RBFOX1: variants seen among roughly 807,000 people sequenced by gnomAD.
The protein encoded by RBFOX1 is RNA binding protein fox-1 homolog 1.
Under a neutral mutation model 57.7 loss-of-function variants are expected in RBFOX1, and 8 were observed. The ratio of observed to expected loss-of-function variants is 0.14; its 90% confidence interval spans 0.08 to 0.25. The LOEUF (loss-of-function observed/expected upper bound fraction) is 0.25. RBFOX1 is among the 10% of genes least tolerant of loss of function. The pLI is 1.00. For synonymous variants in RBFOX1, 326 were observed against 222.4 expected, an observed-to-expected ratio of 1.47 and a Z score of -4.15; for missense variants, 611 against 548.5, an observed-to-expected ratio of 1.11 and a Z score of -1.14.
intron 4 of RBFOX1, among the ~76,000 whole-genome samples, chr16:7,233,598 G>A (rs2093621873): frequency 1.3e-5 from 2 of 152,092 alleles, no homozygotes; most frequent in African/African-American, 4.8e-5. Flanking sequence ...TATAGTCTGG[G>A]GAATACATGT....
chr16:5,744,075 T>G (rs1441727130), intron 3 of RBFOX1, among the ~76,000 whole-genome samples: 7 of 152,074 alleles, frequency 4.6e-5, no homozygotes, highest in Non-Finnish European at 1.0e-4. Flanking sequence ...GGAAGTGCTT[T>G]CATATAAATT....
At chr16:6,521,940 T>C (rs2096507988) in intron 2 of RBFOX1, among the ~76,000 whole-genome samples, 1 of 152,164 alleles carries the variant, frequency 6.6e-6, no homozygotes, top group Non-Finnish European at 1.5e-5. Flanking sequence ...AATACTTCTT[T>C]TGCAGGGCTC....
intron 3 of RBFOX1, among the ~76,000 whole-genome samples, chr16:5,748,862 C>A (rs1221548467): frequency 2.0e-5 from 3 of 152,120 alleles, no homozygotes; most frequent in East Asian, 1.9e-4. Flanking sequence ...AGCATTTAGC[C>A]CATTGACATT....
chr16:6,667,148 G>C (rs1386825007), intron 3 of RBFOX1, among the ~76,000 whole-genome samples: 1 of 152,158 alleles, frequency 6.6e-6, no homozygotes, highest in Non-Finnish European at 1.5e-5. Flanking sequence ...AAGACGCAGA[G>C]CTTCTAAAAT....
chr16:6,281,350 G>T (rs1292076818), intron 1 of RBFOX1, among the ~76,000 whole-genome samples: 1 of 152,096 alleles, frequency 6.6e-6, no homozygotes, highest in Non-Finnish European at 1.5e-5. Flanking sequence ...TGCACACCGG[G>T]AAGTGTTACT....
intron 2 of RBFOX1, among the ~76,000 whole-genome samples, chr16:6,584,357 T>C (rs1156278066): frequency 6.8e-6 from 1 of 147,028 alleles, no homozygotes; most frequent in East Asian, 2.0e-4. Flanking sequence ...ATTATTATTA[T>C]TATTATTATT....
At chr16:6,905,748 T>C (rs12051354) in intron 3 of RBFOX1, among the ~76,000 whole-genome samples, 52,701 of 151,994 alleles carry the variant, frequency 0.35, 10,870 homozygotes, top group African/African-American at 0.59. Flanking sequence ...CAAGTTTGCA[T>C]GCCATGGATG....
intron 3 of RBFOX1, among the ~76,000 whole-genome samples, chr16:5,800,911 C>T (rs192485768): frequency 3.5e-4 from 54 of 152,214 alleles, no homozygotes; most frequent in Non-Finnish European, 5.1e-4. Flanking sequence ...ACTTCCCTGC[C>T]ACATGAGGAC....
intron 2 of RBFOX1, among the ~76,000 whole-genome samples, chr16:6,576,520 A>C (rs2097439452): frequency 6.6e-6 from 1 of 151,844 alleles, no homozygotes; most frequent in African/African-American, 2.4e-5. Flanking sequence ...TAAAAACTTG[A>C]GGACATTGAA....
chr16:6,560,624 G>T lies in RBFOX1; in HGVS notation c.-63-93979G>T, dbSNP rs11865919. ...ACCACTTAGGACTTGTAGGCATTCA[G>T]GGCCTTTGGATTTTACTTGAGTAAA... is the stretch of plus-strand genomic sequence containing the variant. On this transcript the variant is annotated intron_variant, in intron 2 of 15. Coordinates refer to ENST00000550418, the MANE Select transcript of RBFOX1 (RefSeq NM_018723.4). Among the ~76,000 whole-genome samples the T allele has an allele frequency of 3.0e-3, 460 of 152,274 alleles. 1 individual carries two copies. The highest frequency in any genetic ancestry group is 0.01 in the African/African-American group (431 of 41,550).
At chr16:5,984,983 T>TAA (rs2060257194) in intron 4 of RBFOX1, among the ~76,000 whole-genome samples, 1 of 128,026 alleles carries the variant, frequency 7.8e-6, no homozygotes, top group Non-Finnish European at 1.6e-5. Context: ...TATATTTTTT[T>TAA]TTTTTTTTTT....
intron 2 of RBFOX1, among the ~76,000 whole-genome samples, chr16:5,498,870 C>T (rs184637930): frequency 1.5e-4 from 23 of 152,346 alleles, no homozygotes; most frequent in African/African-American, 5.3e-4. Context: ...GATCTCTCCT[C>T]TGTAAGGCCT....
At chr16:5,867,958 C>A (rs542554823) in intron 4 of RBFOX1, among the ~76,000 whole-genome samples, 1 of 152,140 alleles carries the variant, frequency 6.6e-6, no homozygotes, top group Non-Finnish European at 1.5e-5. Context: ...GTGATCTGCT[C>A]GCCTCAGCCT....
In RBFOX1 at chr16:7,515,441, G is replaced by C. The variant is rs28542095; in HGVS notation, c.28-2706G>C. Among the ~76,000 whole-genome samples the C allele has an allele frequency of 1.4e-3, 218 of 151,806 alleles. 1 individual carries two copies. The highest frequency in any genetic ancestry group is 5.2e-3 in the African/African-American group (214 of 41,338). On this transcript the variant is annotated intron_variant, in intron 4 of 15. Transcript: ENST00000550418. ...GTATTATATACTGGAAGTGTGCTAA[G>C]AGGATAGATCTTAAATTAAATCTCT...
At position 6,460,925 on chromosome 16, in the gene RBFOX1, T is replaced by TA. The variant is rs1235766660; in HGVS notation, c.-64+143873dup. 4.0e-5 allele frequency among the ~76,000 whole-genome samples: 6 copies of TA among 151,344 alleles called. No individual in the cohort carries two copies. The East Asian group carries it at 1.2e-3, about 30-fold the overall frequency. ...TACACCATGGAATACTATGCAGCCA[T>TA]AAAAAGGACTGAGATCATGTCCTTT... On this transcript the variant is annotated intron_variant, in intron 2 of 15. Coordinates refer to ENST00000550418, the MANE Select transcript of RBFOX1 (RefSeq NM_018723.4).
intron 4 of RBFOX1, among the ~76,000 whole-genome samples, chr16:7,211,901 G>A (rs374137392): frequency 5.1e-4 from 78 of 152,188 alleles, no homozygotes; most frequent in Admixed American, 2.7e-3. Flanking sequence ...TGTGCTGGTC[G>A]GGGGAAGCCA....
chr16:6,843,451 G>A (rs567538821), intron 3 of RBFOX1, among the ~76,000 whole-genome samples: 41 of 152,270 alleles, frequency 2.7e-4, no homozygotes, highest in Admixed American at 2.4e-3. Context: ...TACTTTGGGA[G>A]GCTGAGGCGG....
intron 3 of RBFOX1, among the ~76,000 whole-genome samples, chr16:7,022,298 C>A (rs547425405): frequency 6.6e-6 from 1 of 151,522 alleles, no homozygotes; most frequent in Admixed American, 6.6e-5. Flanking sequence ...AGTGATCCAC[C>A]CACCTCAGCC....
In RBFOX1 at chr16:6,226,917, C is replaced by T. The variant is rs367579902; in HGVS notation, c.-126-90078C>T. 1.5e-3 allele frequency among the ~76,000 whole-genome samples: 223 copies of T among 148,630 alleles called. 2 individuals carry two copies. Among genetic ancestry groups the T allele is most frequent in the Middle Eastern group, 3.4e-3 (1 of 292 alleles). On this transcript the variant is annotated intron_variant, in intron 1 of 15. Coordinates refer to ENST00000550418, the MANE Select transcript of RBFOX1 (RefSeq NM_018723.4). Reference sequence around the variant, plus strand: ...TGAGCTCAGGAGTTTGAGACCAGCCCGGCCAACATGATGAAACCCCATCTC... The same window carrying T: ...TGAGCTCAGGAGTTTGAGACCAGCCTGGCCAACATGATGAAACCCCATCTC...
Sources: allele counts gnomAD v4.1 joint callset (sites outside exome capture counted in the v4.1 genomes callset), GRCh38; gene constraint gnomAD v4.1.1; transcripts MANE v1.5; gene names NCBI Gene and HGNC (gene_info 2026-07-23, HGNC 2026-07-21).